PPFIA2: variants seen among roughly 807,000 people sequenced by gnomAD.
PPFIA2 encodes the protein liprin-alpha-2.
A neutral mutation model predicts 175.5 loss-of-function variants in PPFIA2; 46 were observed. That is an observed-to-expected ratio of 0.26 (90% CI 0.21 to 0.34). PPFIA2 has a LOEUF of 0.34. PPFIA2 is among the 10% of genes least tolerant of loss of function. The pLI is 1.00. For missense variants in PPFIA2, 1,179 were observed against 1,506.1 expected (o/e 0.78, Z 3.60); for synonymous variants, 568 against 511.4 (o/e 1.11, Z -1.49).
chr12:81,370,181 G>T (rs544718792), intron 11 of PPFIA2, among the ~76,000 whole-genome samples: 3 of 151,744 alleles, frequency 2.0e-5, no homozygotes, highest in South Asian at 4.2e-4. Context: ...AATTAATTTG[G>T]AACAAAATTT....
intron 28 of PPFIA2, among the ~76,000 whole-genome samples, chr12:81,269,813 T>A (rs2038533591): frequency 6.6e-6 from 1 of 152,222 alleles, no homozygotes; most frequent in Non-Finnish European, 1.5e-5. Context: ...ATCATTGCTA[T>A]CTAGCATCCC....
chr12:81,461,756 T>A (rs1268302967), intron 4 of PPFIA2, among the ~76,000 whole-genome samples: 3 of 152,050 alleles, frequency 2.0e-5, no homozygotes, highest in Non-Finnish European at 4.4e-5. Flanking sequence ...TTTTTCAACT[T>A]TTTTTCTTGT....
At chr12:81,662,172 T>A (rs1212391456) in intron 4 of PPFIA2, among the ~76,000 whole-genome samples, 22 of 152,006 alleles carry the variant, frequency 1.4e-4, no homozygotes, top group Non-Finnish European at 2.5e-4. Context: ...ATTCAAAAGC[T>A]AGCAGAAGGC....
At chr12:81,306,217 T>G (rs1440127090) in intron 22 of PPFIA2, among the ~76,000 whole-genome samples, 5 of 151,996 alleles carry the variant, frequency 3.3e-5, no homozygotes, top group African/African-American at 4.8e-5. Flanking sequence ...TACACTGACA[T>G]TAAAGAAAAA....
chr12:81,672,654 A>G (rs1002867194), intron 4 of PPFIA2, among the ~76,000 whole-genome samples: 1 of 152,092 alleles, frequency 6.6e-6, no homozygotes, highest in African/African-American at 2.4e-5. Flanking sequence ...ATTAAGTTCT[A>G]TAGGGAGCAA....
intron 8 of PPFIA2, among the ~76,000 whole-genome samples, chr12:81,398,992 C>A (rs2041668109): frequency 6.6e-6 from 1 of 151,962 alleles, no homozygotes; most frequent in African/African-American, 2.4e-5. Flanking sequence ...CACTAAATTT[C>A]TGGGGAGCTT....
intron 4 of PPFIA2, among the ~76,000 whole-genome samples, chr12:81,656,461 A>G (rs1176932138): frequency 6.6e-6 from 1 of 152,134 alleles, no homozygotes; most frequent in Non-Finnish European, 1.5e-5. Context: ...GCCATGCACA[A>G]TATGTCCATG....
chr12:81,541,497 A>G (rs2066202296), intron 4 of PPFIA2, among the ~76,000 whole-genome samples: 1 of 152,166 alleles, frequency 6.6e-6, no homozygotes, highest in South Asian at 2.1e-4. Flanking sequence ...ATATGCAACA[A>G]AGTAAATCAG....
intron 4 of PPFIA2, among the ~76,000 whole-genome samples, chr12:81,493,221 T>G (rs962803348): frequency 6.6e-6 from 1 of 152,034 alleles, no homozygotes; most frequent in African/African-American, 2.4e-5. Context: ...AGGGTCCAAG[T>G]TGGAGACGCT....
intron 7 of PPFIA2, among the ~76,000 whole-genome samples, chr12:81,418,779 C>T (rs74104450): frequency 0.065 from 9,917 of 151,878 alleles, 441 homozygotes; most frequent in African/African-American, 0.13. Context: ...TAGGTTTATA[C>T]GTTGTTTCTA....
intron 2 of PPFIA2, among the ~76,000 whole-genome samples, chr12:81,758,052 G>A (rs1051752264): frequency 1.3e-5 from 2 of 152,076 alleles, no homozygotes; most frequent in Non-Finnish European, 2.9e-5. Flanking sequence ...CACCTTTAAT[G>A]GACACATTTT....
At chr12:81,647,069 G>T (rs939848740) in intron 4 of PPFIA2, among the ~76,000 whole-genome samples, 1 of 151,798 alleles carries the variant, frequency 6.6e-6, no homozygotes, top group South Asian at 2.1e-4. Context: ...AAAAAAAGGG[G>T]GGGGGAGCGT....
intron 15 of PPFIA2, among the ~76,000 whole-genome samples, chr12:81,362,364 C>T (rs2031124034): frequency 6.6e-6 from 1 of 151,246 alleles, no homozygotes; most frequent in South Asian, 2.1e-4. Flanking sequence ...AAGAGAAGGG[C>T]TGACGCCTCT....
intron 4 of PPFIA2, among the ~76,000 whole-genome samples, chr12:81,462,290 T>C (rs1008966932): frequency 2.1e-5 from 3 of 143,354 alleles, no homozygotes; most frequent in Admixed American, 7.0e-5. Flanking sequence ...AGAAAACATA[T>C]ATATATATAT....
At chr12:81,444,105 C>A (rs1404822796) in intron 6 of PPFIA2, among the ~76,000 whole-genome samples, 1 of 151,848 alleles carries the variant, frequency 6.6e-6, no homozygotes, top group African/African-American at 2.4e-5. Context: ...CCGCCCGCCT[C>A]GGCCTCCCAA....
intron 14 of PPFIA2, 134 bp downstream of exon 14, chr12:81,366,974 T>C: frequency 9.3e-7 from 1 of 1,070,090 alleles, no homozygotes; most frequent in Non-Finnish European, 1.3e-6. Flanking sequence ...GCACATATTC[T>C]AAAAAGTTAA....
intron 3 of PPFIA2, among the ~76,000 whole-genome samples, chr12:81,677,891 T>C (rs2072862512): frequency 1.3e-5 from 2 of 152,018 alleles, no homozygotes; most frequent in African/African-American, 2.4e-5. Context: ...TCTAAGGCTT[T>C]GGTTCCAGGG....
chr12:81,720,580 C>G (rs1245146726), intron 3 of PPFIA2, among the ~76,000 whole-genome samples: 1 of 151,418 alleles, frequency 6.6e-6, no homozygotes, highest in Non-Finnish European at 1.5e-5. Context: ...CTGCACCCTT[C>G]TAGCCAAGGT....
intron 7 of PPFIA2, chr12:81,430,869 T>A (rs945207270): frequency 5.3e-5 from 8 of 152,164 alleles, no homozygotes; most frequent in African/African-American, 1.9e-4. Context: ...CCTTTCAACA[T>A]CCTGATGCAA....
Sources: gnomAD v4.1 joint callset for allele counts (sites outside exome capture counted in the v4.1 genomes callset) on GRCh38, gnomAD v4.1.1 for gene constraint, MANE v1.5 for transcripts, NCBI Gene and HGNC (gene_info 2026-07-23, HGNC 2026-07-21) for gene names.